Variants in CTNNA3 observed in about 807,000 individuals in gnomAD.
CTNNA3 encodes catenin alpha-3.
In CTNNA3, 76 loss-of-function variants were observed where a neutral mutation model predicts 95.7. That is an observed-to-expected ratio of 0.79 (90% CI 0.66 to 0.96). CTNNA3 has a LOEUF of 0.96. Ranked by LOEUF, CTNNA3 falls within the 40% of genes least tolerant of loss-of-function variation. The pLI, the probability that CTNNA3 is intolerant of heterozygous loss-of-function variation, is 0.00. For synonymous variants in CTNNA3, 431 were observed against 374.4 expected, an observed-to-expected ratio of 1.15 and a Z score of -1.74; for missense variants, 1,191 against 1,089.8, an observed-to-expected ratio of 1.09 and a Z score of -1.31.
At chr10:67,025,061 G>A (rs768637979) in intron 7 of CTNNA3, among the ~76,000 whole-genome samples, 3 of 150,444 alleles carry the variant, frequency 2.0e-5, no homozygotes, top group Non-Finnish European at 4.4e-5. Context: ...ACCCAGGAGC[G>A]GAGGTTGCGG....
chr10:66,268,154 C>T (rs1318643619), intron 13 of CTNNA3, among the ~76,000 whole-genome samples: 1 of 152,012 alleles, frequency 6.6e-6, no homozygotes, highest in Non-Finnish European at 1.5e-5. Flanking sequence ...AGAAGTGGGT[C>T]ACTTTGTATT....
chr10:66,565,639 G>C (rs1842681204), intron 10 of CTNNA3, among the ~76,000 whole-genome samples: 2 of 152,178 alleles, frequency 1.3e-5, no homozygotes, highest in Admixed American at 6.5e-5. Context: ...CTAGCATGGA[G>C]TCGCGCCTGA....
intron 11 of CTNNA3, among the ~76,000 whole-genome samples, chr10:66,475,096 A>G (rs962151641): frequency 4.6e-5 from 7 of 152,050 alleles, no homozygotes; most frequent in African/African-American, 1.7e-4. Flanking sequence ...ATGTAACTTA[A>G]GTTGTTGATT....
At chr10:67,724,678 C>T (rs1042215020) in intron 1 of CTNNA3, among the ~76,000 whole-genome samples, 6 of 152,118 alleles carry the variant, frequency 3.9e-5, no homozygotes, top group Admixed American at 1.3e-4. Context: ...TTTCAGCCAG[C>T]GTTCCAGTTT....
intron 7 of CTNNA3, among the ~76,000 whole-genome samples, chr10:67,020,441 A>G (rs1194216167): frequency 6.6e-6 from 1 of 152,186 alleles, no homozygotes; most frequent in African/African-American, 2.4e-5. Context: ...ACTTATCTCA[A>G]TTGTAAGTTA....
At chr10:66,983,201 G>A (rs939449586) in intron 7 of CTNNA3, among the ~76,000 whole-genome samples, 48 of 151,972 alleles carry the variant, frequency 3.2e-4, no homozygotes, top group African/African-American at 1.0e-3. Flanking sequence ...CAGCACACTC[G>A]GCAGAAAGAC....
intron 7 of CTNNA3, among the ~76,000 whole-genome samples, chr10:67,134,009 A>C (rs2132026184): frequency 6.6e-6 from 1 of 152,182 alleles, no homozygotes; most frequent in South Asian, 2.1e-4. Flanking sequence ...ATAGATGAAA[A>C]GACTAAGTAT....
chr10:65,959,996 C>G (rs1670166), intron 17 of CTNNA3, among the ~76,000 whole-genome samples: 58,652 of 151,986 alleles, frequency 0.39, 11,986 homozygotes, highest in African/African-American at 0.51. Context: ...GTGAACTTAG[C>G]TTATTTTCTC....
intron 10 of CTNNA3, among the ~76,000 whole-genome samples, chr10:66,610,422 A>C (rs2660034): frequency 0.66 from 100,144 of 151,886 alleles, 34,006 homozygotes; most frequent in East Asian, 0.91. Flanking sequence ...CTAGACAATA[A>C]ATAAAGGAAC....
intron 3 of CTNNA3, among the ~76,000 whole-genome samples, chr10:67,563,034 G>A (rs1841589746): frequency 2.6e-5 from 4 of 152,040 alleles, no homozygotes; most frequent in Admixed American, 2.6e-4. Flanking sequence ...TGGGTAGGAA[G>A]AATCAATATC....
chr10:66,879,089 A>T (rs1265694600), intron 7 of CTNNA3, among the ~76,000 whole-genome samples: 2 of 152,094 alleles, frequency 1.3e-5, no homozygotes, highest in Admixed American at 1.3e-4. Context: ...CAAGACAGCC[A>T]AGTCCCCAAA....
At chr10:66,946,253 G>T (rs1335543545) in intron 7 of CTNNA3, among the ~76,000 whole-genome samples, 1 of 152,128 alleles carries the variant, frequency 6.6e-6, no homozygotes, top group African/African-American at 2.4e-5. Context: ...GGAATCCAAT[G>T]ATAATTATCT....
chr10:67,681,773 G>T (rs1382169583), intron 1 of CTNNA3, among the ~76,000 whole-genome samples: 2 of 152,032 alleles, frequency 1.3e-5, no homozygotes, highest in African/African-American at 4.8e-5. Context: ...TAAAACAAAA[G>T]TCATAAAATA....
chr10:66,807,167 G>T (rs1841685943), intron 7 of CTNNA3, among the ~76,000 whole-genome samples: 2 of 151,942 alleles, frequency 1.3e-5, no homozygotes, highest in South Asian at 4.2e-4. Context: ...TGAGTTTTGG[G>T]TGCGCACTGT....
intron 15 of CTNNA3, among the ~76,000 whole-genome samples, chr10:66,020,073 T>C (rs2079172981): frequency 6.6e-6 from 1 of 152,222 alleles, no homozygotes; most frequent in Admixed American, 6.5e-5. Flanking sequence ...CATCACAAAA[T>C]ACTCATCATC....
Position 66,121,843 on chromosome 10 carries a change from C to CA in CTNNA3, c.1885-18595dup, listed in dbSNP as rs200577004. ...TGGGTGACAGAGTGAGACCCTGTCTCAAAAAAAAAGTTGCTGAGGTTTACC... is the reference window on the plus strand; with the variant it reads ...TGGGTGACAGAGTGAGACCCTGTCTCAAAAAAAAAAGTTGCTGAGGTTTACC... On this transcript the variant is annotated intron_variant, in intron 13 of 17. Transcript: ENST00000433211. Among the ~76,000 whole-genome samples, 65 of 150,890 alleles carry CA rather than the reference C, an allele frequency of 4.3e-4. No individual in the cohort carries two copies. The Middle Eastern group carries it at 0.01, about 24-fold the overall frequency.
intron 2 of CTNNA3, among the ~76,000 whole-genome samples, chr10:67,636,461 TAA>T (rs1172903063): frequency 1.3e-5 from 2 of 152,062 alleles, no homozygotes; most frequent in East Asian, 3.9e-4. Context: ...GGTACTGGTA[TAA>T]AAACAGACAC....
At chr10:67,261,522 T>C (rs1866605406) in intron 5 of CTNNA3, among the ~76,000 whole-genome samples, 2 of 152,258 alleles carry the variant, frequency 1.3e-5, no homozygotes, top group Admixed American at 6.5e-5. Context: ...GATTATATAA[T>C]GCATAATCAA....
chr10:67,224,099 C>T (rs892454693), intron 5 of CTNNA3, among the ~76,000 whole-genome samples: 2 of 152,132 alleles, frequency 1.3e-5, no homozygotes, highest in Admixed American at 6.5e-5. Flanking sequence ...TGTGTATGTG[C>T]TGTGAGAACA....
Sources: gnomAD v4.1 joint callset for allele counts (sites outside exome capture counted in the v4.1 genomes callset) on GRCh38, gnomAD v4.1.1 for gene constraint, MANE v1.5 for transcripts, NCBI Gene and HGNC (gene_info 2026-07-23, HGNC 2026-07-21) for gene names.